Variants in CMSS1 observed in about 807,000 individuals in gnomAD.
The protein encoded by CMSS1 is cms1 ribosomal small subunit homolog.
In CMSS1, 33 loss-of-function variants were observed where a neutral mutation model predicts 43.5. That is an observed-to-expected ratio of 0.76 (90% confidence interval 0.57 to 1.01). The LOEUF is 1.01. Among genes scored for constraint, CMSS1 ranks in the 50% least tolerant of loss-of-function variants. CMSS1 has a pLI of 0.00. For missense variants in CMSS1, 313 were observed against 326.4 expected (o/e 0.96, Z 0.32); for synonymous variants, 115 against 117.2 (o/e 0.98, Z 0.12).
At chr3:99,968,572 A>C (rs189331640) in intron 1 of CMSS1, among the ~76,000 whole-genome samples, 289 of 152,330 alleles carry the variant, frequency 1.9e-3, no homozygotes, top group Non-Finnish European at 3.1e-3. Context: ...GTGGTGTTTA[A>C]AATCAAGAGC....
intron 1 of CMSS1, among the ~76,000 whole-genome samples, chr3:100,118,729 C>A (rs1042338653): frequency 3.9e-5 from 6 of 152,144 alleles, no homozygotes; most frequent in Non-Finnish European, 8.8e-5. Flanking sequence ...AGAAACTCTT[C>A]CCCTTTCCTG....
chr3:100,162,249 C>T, intron 3 of CMSS1, 54 bp from the exon 4 acceptor site: 4 of 1,555,676 alleles, frequency 2.6e-6, no homozygotes, highest in Non-Finnish European at 3.5e-6. Context: ...CCTATTCCAA[C>T]CAAATGCCAT....
At chr3:100,150,327 ATT>A (rs1465563658) in intron 2 of CMSS1, among the ~76,000 whole-genome samples, 3 of 152,096 alleles carry the variant, frequency 2.0e-5, no homozygotes, top group African/African-American at 4.8e-5. Context: ...ATATAACTGC[ATT>A]TTTTCTGGAT....
At chr3:100,043,973 A>T (rs1320193350) in intron 1 of CMSS1, among the ~76,000 whole-genome samples, 1 of 152,218 alleles carries the variant, frequency 6.6e-6, no homozygotes, top group Admixed American at 6.5e-5. Flanking sequence ...TTCACTTAGC[A>T]TGATGTCCTC....
At chr3:99,917,538 T>A (rs184138714) in intron 1 of CMSS1, among the ~76,000 whole-genome samples, 11 of 152,304 alleles carry the variant, frequency 7.2e-5, no homozygotes, top group Admixed American at 4.6e-4. Context: ...AGGCCTCACT[T>A]TTCTCAATTC....
At chr3:100,158,548 A>G (rs2066995648) in intron 2 of CMSS1, among the ~76,000 whole-genome samples, 1 of 152,184 alleles carries the variant, frequency 6.6e-6, no homozygotes, top group South Asian at 2.1e-4. Context: ...ATGGAAATTG[A>G]CCCCATAAAA....
At chr3:100,126,607 A>T (rs2066663887) in intron 1 of CMSS1, among the ~76,000 whole-genome samples, 1 of 152,102 alleles carries the variant, frequency 6.6e-6, no homozygotes, top group African/African-American at 2.4e-5. Context: ...CTTTTAATTT[A>T]TATAGTCTTT....
intron 2 of CMSS1, among the ~76,000 whole-genome samples, chr3:100,152,186 C>T (rs1291276482): frequency 6.6e-6 from 1 of 151,976 alleles, no homozygotes; most frequent in Non-Finnish European, 1.5e-5. Flanking sequence ...TTGTTTTGTC[C>T]TCCAATTATC....
intron 1 of CMSS1, among the ~76,000 whole-genome samples, chr3:99,927,212 C>A (rs1238582353): frequency 6.6e-6 from 1 of 152,204 alleles, no homozygotes; most frequent in Non-Finnish European, 1.5e-5. Flanking sequence ...CTTTTCAATA[C>A]ATATTAACTA....
At chr3:100,018,826 G>C (rs1257139210) in intron 1 of CMSS1, among the ~76,000 whole-genome samples, 1 of 150,416 alleles carries the variant, frequency 6.6e-6, no homozygotes, top group Admixed American at 6.6e-5. Context: ...AGGGGTTAAT[G>C]TATAAGACTG....
intron 1 of CMSS1, among the ~76,000 whole-genome samples, chr3:99,957,461 T>G (rs1387528316): frequency 1.3e-5 from 2 of 152,136 alleles, no homozygotes; most frequent in Non-Finnish European, 2.9e-5. Context: ...TGTATATATA[T>G]ATAGAGAGAG....
At chr3:100,129,107 T>G (rs547817570) in intron 1 of CMSS1, among the ~76,000 whole-genome samples, 3 of 152,364 alleles carry the variant, frequency 2.0e-5, no homozygotes, top group African/African-American at 7.2e-5. Context: ...CCCTAGCCCG[T>G]ACCTCACACC....
At chr3:99,945,862 A>C (rs184556688) in intron 1 of CMSS1, among the ~76,000 whole-genome samples, 111 of 152,318 alleles carry the variant, frequency 7.3e-4, no homozygotes, top group Middle Eastern at 3.4e-3. Flanking sequence ...TCTTATGCGA[A>C]ACCTCTTGTC....
chr3:100,161,574 CA>C (rs1432267094), intron 3 of CMSS1, among the ~76,000 whole-genome samples: 1 of 150,982 alleles, frequency 6.6e-6, no homozygotes, highest in Non-Finnish European at 1.5e-5. Context: ...AATCTGGGGT[CA>C]GGGGTGGGGA....
chr3:100,115,440 A>G (rs2066550744), intron 1 of CMSS1, among the ~76,000 whole-genome samples: 1 of 152,196 alleles, frequency 6.6e-6, no homozygotes, highest in South Asian at 2.1e-4. Context: ...TAACATCAAA[A>G]TAATTTCAGA....
chr3:100,078,016 CATT>C, intron 1 of CMSS1, among the ~76,000 whole-genome samples: 1 of 151,596 alleles, frequency 6.6e-6, no homozygotes, highest in East Asian at 1.9e-4. Flanking sequence ...CCAGCTAAAA[CATT>C]ATTAATTGTA....
At chr3:99,849,278 C>T in intron 1 of CMSS1, 4 of 1,614,182 alleles carry the variant, frequency 2.5e-6, no homozygotes, top group Non-Finnish European at 3.4e-6. Flanking sequence ...TCTGTCTGAA[C>T]TTCTTTAGAA....
chr3:99,863,773 A>G (rs901224905), intron 1 of CMSS1, among the ~76,000 whole-genome samples: 11 of 152,194 alleles, frequency 7.2e-5, no homozygotes, highest in South Asian at 2.1e-4. Flanking sequence ...CATCTCCCCA[A>G]CTGTAACCAC....
intron 1 of CMSS1, among the ~76,000 whole-genome samples, chr3:99,971,727 A>G (rs1462934215): frequency 6.6e-6 from 1 of 152,222 alleles, no homozygotes; most frequent in East Asian, 1.9e-4. Flanking sequence ...GGTAGGGTCT[A>G]GGATACACAC....
Sources: allele counts gnomAD v4.1 joint callset (sites outside exome capture counted in the v4.1 genomes callset), GRCh38; gene constraint gnomAD v4.1.1; transcripts MANE v1.5; gene names NCBI Gene and HGNC (gene_info 2026-07-23, HGNC 2026-07-21).